RPL34: variants seen among roughly 807,000 people sequenced by gnomAD.
The protein encoded by RPL34 is large ribosomal subunit protein eL34.
RPL34 carries 2 observed loss-of-function variants against 16.3 expected under a neutral mutation model. The observed-to-expected ratio is 0.12, with a 90% CI of 0.05 to 0.39. RPL34 has a LOEUF of 0.39. Among genes scored for constraint, RPL34 ranks in the 10% least tolerant of loss-of-function variants. RPL34 has a pLI of 0.99. For synonymous variants in RPL34, 47 were observed against 48.5 expected (o/e 0.97, Z 0.13); for missense variants, 82 against 148.8 (o/e 0.55, Z 2.33).
intron 1 of RPL34, chr4:108,621,591 T>A (rs1725774935): frequency 7.9e-6 from 2 of 251,612 alleles, no homozygotes; most frequent in South Asian, 9.1e-5. Context: ...TAGCTAAGGA[T>A]TCGACTTCAG....
downstream of RPL34, among the ~76,000 whole-genome samples, chr4:108,628,845 C>CA (rs1726095300): frequency 6.6e-6 from 1 of 152,104 alleles, no homozygotes; most frequent in Non-Finnish European, 1.5e-5. Context: ...ATTTTGGAGA[C>CA]AGAGTCTCAC....
chr4:108,628,653 A>G (rs936063549), downstream of RPL34, among the ~76,000 whole-genome samples: 11 of 152,218 alleles, frequency 7.2e-5, no homozygotes, highest in African/African-American at 2.2e-4. Context: ...TCAGCAAAAT[A>G]TGAAATGGGT....
intron 4 of RPL34, 163 bp downstream of exon 4, chr4:108,622,781 A>G (rs1433020459): frequency 2.1e-6 from 1 of 476,104 alleles, no homozygotes; most frequent in Admixed American, 3.8e-5. Context: ...AGGAAATGAT[A>G]TTCAAAGTAA....
chr4:108,628,976 C>T (rs1726100136), downstream of RPL34, among the ~76,000 whole-genome samples: 1 of 152,116 alleles, frequency 6.6e-6, no homozygotes, highest in Admixed American at 6.5e-5. Context: ...CCTGCCACCA[C>T]ATCTGGCTAA....
rs768249553 is a variant in RPL34 at position 108,620,609 on chromosome 4, G to A, written c.-10+9G>A. ...GGGGACGTTGTCTGCAGGTATGGAT[G>A]TTGTTCTCTTTTCCCTGTCTTTATT... On this transcript the variant is annotated intron_variant, in intron 1 of 4. Transcript: ENST00000394667. The A allele has an allele frequency of 9.1e-5, 27 of 296,480 alleles. No homozygotes were observed. Among genetic ancestry groups the A allele is most frequent in the South Asian group, 3.4e-4 (12 of 35,664 alleles). 18.4% of individuals were successfully genotyped at this position (296,480 alleles called of 1,614,324 possible). A position where few individuals can be genotyped will look rare whatever the true frequency, so the allele number is the denominator to read the frequency against.
intron 1 of RPL34, chr4:108,621,668 A>C (rs1270480813): frequency 2.9e-6 from 1 of 341,642 alleles, no homozygotes; most frequent in Admixed American, 4.1e-5. Flanking sequence ...ACTTTTCTGG[A>C]CACCACTCCA....
At chr4:108,626,902 A>G (rs1285785171), downstream of RPL34, among the ~76,000 whole-genome samples, 1 of 152,168 alleles carries the variant, frequency 6.6e-6, no homozygotes. Context: ...GGCATGATGT[A>G]ACTACTTAAG....
At chr4:108,626,430 A>G (rs74928540), downstream of RPL34, among the ~76,000 whole-genome samples, 3 of 145,598 alleles carry the variant, frequency 2.1e-5, no homozygotes, top group East Asian at 6.2e-4. Context: ...CTTCTGCCCA[A>G]CCTGTTGGCT....
At chr4:108,627,973 TGATGA>T (rs1726070505), downstream of RPL34, among the ~76,000 whole-genome samples, 1 of 152,202 alleles carries the variant, frequency 6.6e-6, no homozygotes, top group African/African-American at 2.4e-5. Context: ...CCCATTTTAC[TGATGA>T]GAGAACAGAC....
At chr4:108,624,274 A>C (rs1303974638) in intron 4 of RPL34, among the ~76,000 whole-genome samples, 2 of 152,172 alleles carry the variant, frequency 1.3e-5, no homozygotes, top group African/African-American at 2.4e-5. Context: ...TAAGTGATTC[A>C]GTTGTATGTG....
chr4:108,625,015 CCT>C, intron 4 of RPL34, 111 bp from the exon 5 acceptor site: 1 of 682,640 alleles, frequency 1.5e-6, no homozygotes, highest in South Asian at 1.8e-5. Context: ...CCTGTAGTTT[CCT>C]GGGTTCCCTG....
At chr4:108,628,886 G>A (rs62314861), downstream of RPL34, among the ~76,000 whole-genome samples, 43,171 of 151,918 alleles carry the variant, frequency 0.28, 6,931 homozygotes, top group East Asian at 0.57. Flanking sequence ...GCAGTGACGC[G>A]ATCTCAGCTT....
downstream of RPL34, among the ~76,000 whole-genome samples, chr4:108,625,808 G>A (rs892518145): frequency 1.3e-5 from 2 of 152,304 alleles, no homozygotes; most frequent in South Asian, 4.1e-4. Context: ...CTTCAGGGTG[G>A]TTTGGGAGGA....
chr4:108,629,637 A>G (rs1345802490), downstream of RPL34, among the ~76,000 whole-genome samples: 1 of 152,226 alleles, frequency 6.6e-6, no homozygotes, highest in Non-Finnish European at 1.5e-5. Context: ...CTAAAAAGAC[A>G]TGTGAATGTA....
intron 3 of RPL34, 130 bp from the exon 4 acceptor site, chr4:108,622,385 A>C: frequency 1.2e-6 from 1 of 815,236 alleles, no homozygotes; most frequent in Admixed American, 2.3e-5. Context: ...AATGCAGTGA[A>C]ATGCCTTTCA....
At chr4:108,620,624 C>T (rs546687419) in intron 1 of RPL34, 24 bp downstream of exon 1, 6 of 282,402 alleles carry the variant, frequency 2.1e-5, no homozygotes, top group South Asian at 1.2e-4. Flanking sequence ...TCTCTTTTCC[C>T]TGTCTTTATT....
Position 108,623,502 on chromosome 4 carries a change from C to G in RPL34, c.269+884C>G, listed in dbSNP as rs779212384. ...TTGGCTCACTGTAACCTCCGCCTCC[C>G]GGGTTCAAGCAATTCTTCTGCCTCA... On this transcript the variant is annotated intron_variant, in intron 4 of 4. Transcript: ENST00000394667. Among the ~76,000 whole-genome samples the G allele has an allele frequency of 2.6e-5, 4 of 152,216 alleles. No individual in the cohort carries two copies. In the East Asian group the frequency reaches 7.7e-4, roughly 29 times the overall value.
At chr4:108,624,878 C>T (rs1449833609) in intron 4 of RPL34, among the ~76,000 whole-genome samples, 2 of 152,132 alleles carry the variant, frequency 1.3e-5, no homozygotes, top group Non-Finnish European at 2.9e-5. Flanking sequence ...TAAGTGGTCT[C>T]CTGTGGGGAT....
At chr4:108,628,507 T>G (rs892227907), downstream of RPL34, among the ~76,000 whole-genome samples, 4 of 152,222 alleles carry the variant, frequency 2.6e-5, no homozygotes, top group Admixed American at 6.5e-5. Context: ...AAAATTGCTG[T>G]GGAAGAGAAA....
Sources: allele counts gnomAD v4.1 joint callset (sites outside exome capture counted in the v4.1 genomes callset), GRCh38; gene constraint gnomAD v4.1.1; transcripts MANE v1.5; gene names NCBI Gene and HGNC (gene_info 2026-07-23, HGNC 2026-07-21).